Variants in DDX21 observed in about 807,000 individuals in gnomAD.
DDX21 encodes the protein nucleolar RNA helicase 2.
DDX21 carries 18 observed loss-of-function variants against 90.0 expected under a neutral mutation model. The ratio of observed to expected loss-of-function variants is 0.20; its 90% CI spans 0.14 to 0.30. The LOEUF (loss-of-function observed/expected upper bound fraction) is 0.30, where lower values mean the gene tolerates loss of function less well. Among genes scored for constraint, DDX21 ranks in the 10% least tolerant of loss-of-function variants. DDX21 has a pLI of 1.00. For missense variants in DDX21, 673 were observed against 944.5 expected (o/e 0.71, Z 3.77); for synonymous variants, 294 against 318.0 (o/e 0.92, Z 0.80).
At chr10:68,971,631 G>C (rs1160671414) in intron 8 of DDX21, among the ~76,000 whole-genome samples, 1 of 152,126 alleles carries the variant, frequency 6.6e-6, no homozygotes, top group Non-Finnish European at 1.5e-5. Flanking sequence ...CAGACCTAAG[G>C]TTACACTGAT....
chr10:68,965,798 TC>T (rs141514135), intron 5 of DDX21, among the ~76,000 whole-genome samples: 11,174 of 152,170 alleles, frequency 0.073, 542 homozygotes, highest in African/African-American at 0.13. Context: ...AATTCAAGGT[TC>T]CTCTTGTCTG....
At chr10:68,976,477 C>T (rs1424348641) in intron 11 of DDX21, among the ~76,000 whole-genome samples, 2 of 151,800 alleles carry the variant, frequency 1.3e-5, no homozygotes, top group African/African-American at 2.4e-5. Flanking sequence ...TTAGTAGAGA[C>T]GGGGTTTCAC....
intron 1 of DDX21, among the ~76,000 whole-genome samples, chr10:68,957,257 C>T (rs1842811416): frequency 6.6e-6 from 1 of 152,130 alleles, no homozygotes; most frequent in African/African-American, 2.4e-5. Context: ...GACTGGATTT[C>T]CCATGGAAAT....
At chr10:68,967,299 T>C in intron 6 of DDX21, 96 bp downstream of exon 6, 1 of 1,256,904 alleles carries the variant, frequency 8.0e-7, no homozygotes, top group Non-Finnish European at 1.1e-6. Flanking sequence ...TCAGCCACCC[T>C]AGTAACTGGG....
chr10:68,967,901 G>GTT (rs961479720), intron 6 of DDX21, among the ~76,000 whole-genome samples: 2 of 144,818 alleles, frequency 1.4e-5, no homozygotes, highest in Admixed American at 6.9e-5. Context: ...ATTGTTTTTT[G>GTT]TTTTTTTTTT....
intron 9 of DDX21, 58 bp downstream of exon 9, chr10:68,972,110 AT>A (rs1269938194): frequency 6.5e-7 from 1 of 1,546,684 alleles, no homozygotes; most frequent in Admixed American, 2.0e-5. Context: ...ATTAAAACAA[AT>A]TGGAAATTGT....
Position 68,977,153 on chromosome 10 carries a change from T to C in DDX21, c.1743-376T>C, listed in dbSNP as rs76821349. 5.1e-3 allele frequency among the ~76,000 whole-genome samples: 771 copies of C among 152,328 alleles called. 57 individuals carry two copies. The East Asian group carries it at 0.13, about 26-fold the overall frequency. On this transcript the variant is annotated intron_variant, in intron 11 of 14. Coordinates refer to ENST00000354185, the MANE Select transcript of DDX21 (RefSeq NM_004728.4). ...CACATGCTTCTTGTATAAAAACTCTTGACATAATTCATCATCACATCTAAT... is the reference window on the plus strand; with the variant it reads ...CACATGCTTCTTGTATAAAAACTCTCGACATAATTCATCATCACATCTAAT...
Position 68,982,564 on chromosome 10 carries a change from C to T in DDX21, c.2104C>T (p.Arg702Cys), listed in dbSNP as rs758386472. Residue 702 changes from arginine (R) to cysteine (C), a missense_variant, in exon 15 of 15, where the codon CGC becomes TGC. Physicochemically the swap from Arg to Cys is radical, Grantham distance 180. Coordinates refer to ENST00000354185, the MANE Select transcript of DDX21 (RefSeq NM_004728.4). ...ACAGGAGAAATGGCATGATTCACGA[C>T]GCTGGCAGCTCTCTGTGGCCACAGA... ...EIQEKWHDSR[R>C]WQLSVATEQP... 1.4e-5 allele frequency: 23 copies of T among 1,610,254 alleles called. No individual in the cohort carries two copies. The highest frequency in any genetic ancestry group is 7.7e-5 in the South Asian group (7 of 91,020).
intron 5 of DDX21, 67 bp from the exon 6 acceptor site, chr10:68,966,951 T>G: frequency 7.3e-7 from 1 of 1,363,444 alleles, no homozygotes; most frequent in South Asian, 1.4e-5. Flanking sequence ...TACAGTTAAC[T>G]GTGGTACCCC....
At chr10:68,974,832 AT>A in intron 11 of DDX21, 89 bp downstream of exon 11, 40 of 1,102,772 alleles carry the variant, frequency 3.6e-5, no homozygotes, top group Non-Finnish European at 4.2e-5. Context: ...ACTTAAAAAA[AT>A]TTTTTTTTTA....
chr10:68,969,095 A>C lies in DDX21; in HGVS notation c.1210A>C (p.Thr404Pro). ...ACAGGTGGACCTGATTGGTAAAAAG[A>C]CTCAGAAAACGGCAATAACTGTGGA... is the stretch of plus-strand genomic sequence containing the variant. ...YEQVDLIGKKTQKTAITVEHL... is the reference protein window; with the variant it reads ...YEQVDLIGKKPQKTAITVEHL... Residue 404 changes from threonine to proline, a missense_variant, in exon 7 of 15, where the codon ACT (threonine) becomes CCT (proline). Transcript: ENST00000354185. The C allele has an allele frequency of 6.2e-7, 1 of 1,612,498 alleles. No individual in the cohort carries two copies. The highest frequency in any genetic ancestry group is 8.5e-7 in the Non-Finnish European group (1 of 1,179,694).
At chr10:68,973,685 C>T (rs760707609) in intron 10 of DDX21, 21 bp downstream of exon 10, 3 of 1,605,068 alleles carry the variant, frequency 1.9e-6, no homozygotes, top group Admixed American at 3.4e-5. Flanking sequence ...TCTTACCTTT[C>T]ATTAAGCAAA....
At chr10:68,963,994 G>T in intron 4 of DDX21, 1 of 253,836 alleles carries the variant, frequency 3.9e-6, no homozygotes, top group Non-Finnish European at 7.9e-6. Context: ...CAACTACTTG[G>T]GAGGCTGAGG....
intron 6 of DDX21, among the ~76,000 whole-genome samples, 192 bp downstream of exon 6, chr10:68,967,395 C>T (rs898778873): frequency 1.3e-5 from 2 of 152,006 alleles, no homozygotes; most frequent in African/African-American, 4.8e-5. Flanking sequence ...TCTCAAACTC[C>T]CAGCCCCAGG....
intron 3 of DDX21, among the ~76,000 whole-genome samples, chr10:68,962,373 T>C (rs1223729508): frequency 1.3e-5 from 2 of 152,220 alleles, no homozygotes; most frequent in African/African-American, 4.8e-5. Flanking sequence ...AGGCCCTCTG[T>C]GGTGGCTCAC....
Position 68,984,053 on chromosome 10 carries a change from G to A in DDX21, c.*1241G>A, listed in dbSNP as rs1281701908. On this transcript the variant is annotated 3_prime_UTR_variant, in exon 15 of 15. Coordinates refer to ENST00000354185, the MANE Select transcript of DDX21 (RefSeq NM_004728.4). ...AAGAACCTGATGTAGCCCCTGGCCAGATAACTGCCTGATTTCTCAGATATT... is the reference window on the plus strand; with the variant it reads ...AAGAACCTGATGTAGCCCCTGGCCAAATAACTGCCTGATTTCTCAGATATT... 1 of 152,206 alleles carries A rather than the reference G, an allele frequency of 6.6e-6. No individual in the cohort carries two copies. Among genetic ancestry groups the A allele is most frequent in the Non-Finnish European group, 1.5e-5 (1 of 68,030 alleles). The allele number at this position is 152,206 out of a possible 1,614,324, so 9.4% of individuals were successfully genotyped here. A position where few individuals can be genotyped will look rare whatever the true frequency, so the allele number is the denominator to read the frequency against.
In DDX21 at chr10:68,961,505, A is replaced by G. The variant is rs1842871632; in HGVS notation, c.532-577A>G. Among the ~76,000 whole-genome samples, 5 of 152,260 alleles carry G rather than the reference A, an allele frequency of 3.3e-5. No homozygotes were observed. In the South Asian group the frequency reaches 1.0e-3, roughly 32 times the overall value. ...ATCTATTATTTTTAATCAGATTAGG[A>G]TTGTACTGTGCAATCTTGTATCTTT... On this transcript the variant is annotated intron_variant, in intron 2 of 14. Transcript: ENST00000354185.
chr10:68,979,161 A>G (rs982060634), intron 13 of DDX21, among the ~76,000 whole-genome samples, 185 bp downstream of exon 13: 5 of 152,206 alleles, frequency 3.3e-5, no homozygotes, highest in Non-Finnish European at 7.3e-5. Context: ...CTCTATCTCC[A>G]GCCTGAACCG....
Position 68,956,199 on chromosome 10 carries a change from G to T in DDX21, c.-27G>T. ...TCCTCTCCACGCGGTTGAGAAGACC[G>T]GTCGGCCTGGGCAACCTGCGCTGAA... On this transcript the variant is annotated 5_prime_UTR_variant, in exon 1 of 15. Coordinates refer to ENST00000354185, the MANE Select transcript of DDX21 (RefSeq NM_004728.4). 6.2e-7 allele frequency: 1 copy of T among 1,612,090 alleles called. No individual in the cohort carries two copies. The highest frequency in any genetic ancestry group is 8.5e-7 in the Non-Finnish European group (1 of 1,178,804).
Sources: allele counts gnomAD v4.1 joint callset (sites outside exome capture counted in the v4.1 genomes callset), GRCh38; gene constraint gnomAD v4.1.1; transcripts MANE v1.5; gene names NCBI Gene and HGNC (gene_info 2026-07-23, HGNC 2026-07-21).